The following IL4R variants were observed in gnomAD, a reference collection of about 807,000 sequenced individuals.
The protein encoded by IL4R is interleukin 4 receptor.
Under a neutral mutation model 41.5 loss-of-function variants are expected in IL4R, and 17 were observed. That is an observed-to-expected ratio of 0.41 (90% CI 0.28 to 0.61). The LOEUF (loss-of-function observed/expected upper bound fraction) is 0.61, where lower values mean the gene tolerates loss of function less well. IL4R is among the 20% of genes least tolerant of loss of function. IL4R has a pLI of 0.31. For synonymous variants in IL4R, 402 were observed against 422.9 expected, an observed-to-expected ratio of 0.95 and a Z score of 0.61; for missense variants, 974 against 1,043.1, an observed-to-expected ratio of 0.93 and a Z score of 0.91.
At chr16:27,355,458 G>A (rs557183247) in intron 7 of IL4R, 56 of 315,536 alleles carry the variant, frequency 1.8e-4, no homozygotes, top group Non-Finnish European at 2.0e-4. Context: ...ATGAGGATGC[G>A]GAGGCACAGA....
At chr16:27,313,930 C>T, upstream of IL4R, 5 of 984,480 alleles carry the variant, frequency 5.1e-6, no homozygotes, top group Non-Finnish European at 6.0e-6. Context: ...CCCAGGAAAG[C>T]CCCGCGCGGC....
chr16:27,322,853 G>A (rs2084853957), intron 1 of IL4R, among the ~76,000 whole-genome samples: 1 of 152,166 alleles, frequency 6.6e-6, no homozygotes, highest in South Asian at 2.1e-4. Context: ...CTTGCAACCA[G>A]CCATGAAGCA....
chr16:27,349,705 C>T (rs544692201), intron 6 of IL4R, among the ~76,000 whole-genome samples: 2 of 152,300 alleles, frequency 1.3e-5, no homozygotes, highest in Admixed American at 1.3e-4. Context: ...GTGCCAGGCA[C>T]ATTGCTCAGG....
At chr16:27,314,990 A>G (rs1342354258) in intron 1 of IL4R, among the ~76,000 whole-genome samples, 1 of 151,990 alleles carries the variant, frequency 6.6e-6, no homozygotes, top group Non-Finnish European at 1.5e-5. Flanking sequence ...TTTAAACAAA[A>G]TCTGGATTTC....
chr16:27,322,098 A>G (rs894135358), intron 1 of IL4R, among the ~76,000 whole-genome samples: 3 of 109,212 alleles, frequency 2.7e-5, no homozygotes, highest in Non-Finnish European at 5.6e-5. Context: ...TTATGTCACT[A>G]TGTGGTTTTT....
In IL4R at chr16:27,362,482, TAGAGGA is replaced by T. The variant is rs1266152961; in HGVS notation, c.1134_1139del (p.Glu379_Glu380del). 11 of 1,612,130 alleles carry T rather than the reference TAGAGGA, an allele frequency of 6.8e-6. No individual in the cohort carries two copies. Among genetic ancestry groups the T allele is most frequent in the Non-Finnish European group, 9.3e-6 (11 of 1,179,508 alleles). ...GTGGAGTGTGAGGAGGAGGAGGAGG[TAGAGGA>T]AGAAAAAGGGAGCTTCTGTGCATCG... On this transcript the variant is annotated inframe_deletion, in exon 11 of 11. Coordinates refer to ENST00000395762, the MANE Select transcript of IL4R (RefSeq NM_000418.4).
rs1445012229 is a variant in IL4R at position 27,361,617 on chromosome 16, T to G, written c.900-635T>G. Among the ~76,000 whole-genome samples, 243 of 147,992 alleles carry G rather than the reference T, an allele frequency of 1.6e-3. 1 individual carries two copies. Among genetic ancestry groups the G allele is most frequent in the African/African-American group, 5.9e-3 (237 of 39,840 alleles). ...AACCCTAGGATCCCGCATCTTTTTT[T>G]TTTTTTTTTTTTTTTGGACGCAGGG... On this transcript the variant is annotated intron_variant, in intron 10 of 10. Coordinates refer to ENST00000395762, the MANE Select transcript of IL4R (RefSeq NM_000418.4).
In IL4R at chr16:27,363,384, C is replaced by T. The variant is rs778039155; in HGVS notation, c.2032C>T (p.Leu678=). The stretch of plus-strand genomic sequence containing the variant: ...TCTCCCAAGCAGCTCCCCAGAGCAC[C>T]TGGGTCTGGAGCCGGGGGAAAAGGT... ...SHLPSSSPEH[L]GLEPGEKVED... is the part of the protein sequence containing the mutation. Residue 678 remains leucine, a synonymous_variant, in exon 11 of 11, where the codon CTG becomes TTG. Coordinates refer to ENST00000395762, the MANE Select transcript of IL4R (RefSeq NM_000418.4). 6.2e-7 allele frequency: 1 copy of T among 1,614,046 alleles called. No individual in the cohort carries two copies. Among genetic ancestry groups the T allele is most frequent in the Non-Finnish European group, 8.5e-7 (1 of 1,180,022 alleles).
intron 10 of IL4R, among the ~76,000 whole-genome samples, chr16:27,361,172 T>G (rs1362141231): frequency 8.2e-5 from 12 of 146,232 alleles, no homozygotes; most frequent in Admixed American, 6.0e-4. Flanking sequence ...AGGATCTCAC[T>G]CTGTGGCCCA....
rs1027135293 is a variant in IL4R at position 27,333,599 on chromosome 16, G to A, written c.-19+3401G>A. On this transcript the variant is annotated intron_variant, in intron 2 of 10. Transcript: ENST00000395762. The stretch of plus-strand genomic sequence containing the variant: ...TTCAGGATTCTTGTGTGGATTCGGT[G>A]AGGTAATACTTCTAAAGCACCTAGC... Among the ~76,000 whole-genome samples the A allele has an allele frequency of 4.8e-4, 72 of 151,158 alleles. 1 individual carries two copies. Among genetic ancestry groups the A allele is most frequent in the Non-Finnish European group, 8.7e-4 (59 of 67,660 alleles).
At chr16:27,325,120 C>CAGG (rs1237267858) in intron 1 of IL4R, among the ~76,000 whole-genome samples, 1 of 150,868 alleles carries the variant, frequency 6.6e-6, no homozygotes, top group Non-Finnish European at 1.5e-5. Flanking sequence ...TGTCCCCGGC[C>CAGG]TGCCAACCTT....
intron 8 of IL4R, among the ~76,000 whole-genome samples, chr16:27,356,715 G>A (rs1291565463): frequency 6.6e-6 from 1 of 152,196 alleles, no homozygotes; most frequent in East Asian, 1.9e-4. Context: ...AATTTGCGAC[G>A]ATTGCCCTGA....
At chr16:27,346,777 A>C (rs2301807) in intron 6 of IL4R, among the ~76,000 whole-genome samples, 159 bp downstream of exon 6, 145,954 of 152,238 alleles carry the variant, frequency 0.96, 70,004 homozygotes, top group Middle Eastern at 0.99. Flanking sequence ...CTGGCTCTGC[A>C]CTAGGCAAGT....
At chr16:27,343,176 G>A (rs2141137470) in intron 4 of IL4R, among the ~76,000 whole-genome samples, 1 of 152,298 alleles carries the variant, frequency 6.6e-6, no homozygotes, top group East Asian at 1.9e-4. Flanking sequence ...CAGTTACGGG[G>A]CAGACTGGGG....
At chr16:27,313,788 C>A, upstream of IL4R, 1 of 443,934 alleles carries the variant, frequency 2.3e-6, no homozygotes, top group Non-Finnish European at 3.0e-6. Flanking sequence ...TGTCCGGCGG[C>A]GGCGGCGGGG....
At chr16:27,344,756 T>G in intron 4 of IL4R, 113 bp from the exon 5 acceptor site, 1 of 1,120,880 alleles carries the variant, frequency 8.9e-7, no homozygotes, top group Non-Finnish European at 1.3e-6. Context: ...CTCACATCCG[T>G]GATCGGGAAG....
intron 4 of IL4R, among the ~76,000 whole-genome samples, chr16:27,343,600 G>A (rs970789412): frequency 1.3e-4 from 20 of 151,998 alleles, no homozygotes; most frequent in African/African-American, 2.2e-4. Context: ...CTAATTTTTC[G>A]TATTTTTAGT....
intron 2 of IL4R, among the ~76,000 whole-genome samples, chr16:27,331,173 C>G (rs944237018): frequency 5.9e-5 from 9 of 152,080 alleles, no homozygotes; most frequent in Admixed American, 1.3e-4. Flanking sequence ...CTGTGAACCC[C>G]TAAAATGGAA....
intron 5 of IL4R, 21 bp from the exon 6 acceptor site, chr16:27,346,444 CAT>C: frequency 6.2e-7 from 1 of 1,613,742 alleles, no homozygotes; most frequent in Non-Finnish European, 8.5e-7. Flanking sequence ...TAGATCCTCA[CAT>C]AGAGGCCGCT....
Sources: gnomAD v4.1 joint callset for allele counts (sites outside exome capture counted in the v4.1 genomes callset) on GRCh38, gnomAD v4.1.1 for gene constraint, MANE v1.5 for transcripts, NCBI Gene and HGNC (gene_info 2026-07-23, HGNC 2026-07-21) for gene names.